Variants in DHX57 observed in about 807,000 individuals in gnomAD.
The protein encoded by DHX57 is DExH-box helicase 57.
DHX57 carries 105 observed loss-of-function variants against 156.2 expected under a neutral mutation model. The ratio of observed to expected loss-of-function variants is 0.67; its 90% CI spans 0.57 to 0.79. The LOEUF is 0.79. Ranked by LOEUF, DHX57 falls within the 30% of genes least tolerant of loss-of-function variation. DHX57 has a pLI of 0.00. For synonymous variants in DHX57, 704 were observed against 595.6 expected (o/e 1.18, Z -2.65); for missense variants, 1,847 against 1,661.9 (o/e 1.11, Z -1.94).
At chr2:38,809,580 G>C (rs1436351469) in intron 21 of DHX57, among the ~76,000 whole-genome samples, 1 of 150,408 alleles carries the variant, frequency 6.6e-6, no homozygotes, top group African/African-American at 2.4e-5. Context: ...TCCTGCCTCA[G>C]CCTCCCAAGT....
intron 21 of DHX57, among the ~76,000 whole-genome samples, chr2:38,808,603 G>T (rs1199278965): frequency 2.6e-5 from 4 of 151,978 alleles, no homozygotes; most frequent in African/African-American, 9.7e-5. Context: ...TCTCCTAGCT[G>T]TATCTTTGTG....
intron 21 of DHX57, among the ~76,000 whole-genome samples, chr2:38,808,082 G>T (rs543569893): frequency 2.0e-5 from 3 of 151,298 alleles, no homozygotes; most frequent in South Asian, 4.2e-4. Context: ...AGCCTCTTGA[G>T]TAGCTGGGAC....
intron 17 of DHX57, among the ~76,000 whole-genome samples, chr2:38,822,171 C>T (rs1311038217): frequency 6.6e-6 from 1 of 152,122 alleles, no homozygotes; most frequent in South Asian, 2.1e-4. Context: ...CAACCTCTGC[C>T]TCCCAGGTTC....
chr2:38,823,990 G>A (rs746087708), intron 16 of DHX57, among the ~76,000 whole-genome samples: 1 of 151,342 alleles, frequency 6.6e-6, no homozygotes, highest in African/African-American at 2.4e-5. Flanking sequence ...TAGCCTGGGT[G>A]ACTGAGCAAG....
intron 21 of DHX57, chr2:38,811,406 C>A (rs943706651): frequency 1.7e-5 from 10 of 573,468 alleles, no homozygotes; most frequent in Middle Eastern, 5.0e-4. Context: ...AAGAGAGGGG[C>A]CCAGGAGGTA....
intron 22 of DHX57, 90 bp downstream of exon 22, chr2:38,806,469 G>A: frequency 6.9e-7 from 1 of 1,442,224 alleles, no homozygotes; most frequent in South Asian, 1.3e-5. Flanking sequence ...GGGACAGCAA[G>A]TGATAGAACA....
At chr2:38,831,830 G>T (rs1671398079) in intron 13 of DHX57, among the ~76,000 whole-genome samples, 1 of 142,934 alleles carries the variant, frequency 7.0e-6, no homozygotes, top group African/African-American at 2.5e-5. Context: ...GCACTCCAGA[G>T]TGAGACTTCA....
At chr2:38,832,546 T>C (rs968060192) in intron 13 of DHX57, among the ~76,000 whole-genome samples, 1 of 80,498 alleles carries the variant, frequency 1.2e-5, no homozygotes, top group Non-Finnish European at 3.1e-5. Context: ...TATATATATA[T>C]ATATATTTTT....
chr2:38,821,078 C>T (rs756338), intron 17 of DHX57, among the ~76,000 whole-genome samples: 33,323 of 151,496 alleles, frequency 0.22, 3,801 homozygotes, highest in Admixed American at 0.27. Flanking sequence ...AAAAAAATTG[C>T]GAACTCACAA....
At chr2:38,871,710 C>CT (rs145199958) in intron 1 of DHX57, among the ~76,000 whole-genome samples, 33,049 of 136,636 alleles carry the variant, frequency 0.24, 4,750 homozygotes, top group Non-Finnish European at 0.32. Flanking sequence ...ATAACTCATT[C>CT]TTTTTTTTTT....
chr2:38,859,866 G>C (rs1260275103), intron 5 of DHX57, among the ~76,000 whole-genome samples: 1 of 149,078 alleles, frequency 6.7e-6, no homozygotes, highest in East Asian at 2.0e-4. Context: ...CTGTCTCCAA[G>C]GCCGAAATGC....
In DHX57 at chr2:38,818,686, C is replaced by T. The variant is rs370569743; in HGVS notation, c.3471+191G>A. On this transcript the variant is annotated intron_variant, in intron 19 of 23. Coordinates refer to ENST00000457308, the MANE Select transcript of DHX57 (RefSeq NM_198963.3). ...TTCACCACAAAGAGGAAAAGGAGGT[C>T]AGTGGAAAGGTTCAGCACAGAAAGC... 3.9e-5 allele frequency among the ~76,000 whole-genome samples: 6 copies of T among 152,296 alleles called. No individual in the cohort carries two copies. In the East Asian group the frequency reaches 1.2e-3, roughly 29 times the overall value.
chr2:38,819,217 C>T (rs1670695233), intron 17 of DHX57, 73 bp from the exon 18 acceptor site: 1 of 1,436,932 alleles, frequency 7.0e-7, no homozygotes. Context: ...TTCTGTTGCC[C>T]AGGCTGGAGT....
At chr2:38,830,298 T>C (rs1028246617) in intron 13 of DHX57, among the ~76,000 whole-genome samples, 1 of 152,182 alleles carries the variant, frequency 6.6e-6, no homozygotes, top group African/African-American at 2.4e-5. Context: ...TGTTCACATA[T>C]ATTATCCCAT....
chr2:38,837,851 C>T lies in DHX57; in HGVS notation c.2522G>A (p.Gly841Glu). ...IEALLEWIVD[G>E]KHSYPPGAIL... is the part of the protein sequence containing the mutation. ...GTTACCTGGAGGGTAGGAGTGCTTT[C>T]CATCCACAATCCACTCTAATAAGGC... Residue 841 changes from glycine to glutamate, a missense_variant, in exon 13 of 24, where the codon GGA becomes GAA. By Grantham distance (98) the Gly-to-Glu change is moderately conservative. Transcript: ENST00000457308. The T allele has an allele frequency of 6.2e-7, 1 of 1,606,514 alleles. No individual in the cohort carries two copies.
chr2:38,848,175 G>C, intron 10 of DHX57, 94 bp downstream of exon 10: 8 of 1,248,344 alleles, frequency 6.4e-6, no homozygotes, highest in Non-Finnish European at 7.6e-6. Flanking sequence ...CGCTTCTCTA[G>C]AAAGAGGTAT....
At chr2:38,827,763 G>A (rs891471905) in intron 14 of DHX57, among the ~76,000 whole-genome samples, 3 of 151,866 alleles carry the variant, frequency 2.0e-5, no homozygotes, top group African/African-American at 7.3e-5. Flanking sequence ...GGACTTCTTT[G>A]TTGTTACTAA....
chr2:38,833,386 G>A (rs867100503), intron 13 of DHX57, among the ~76,000 whole-genome samples: 21 of 151,900 alleles, frequency 1.4e-4, no homozygotes, highest in African/African-American at 2.4e-4. Flanking sequence ...CAGGTGATCC[G>A]CCTGCCTCGG....
In DHX57 at chr2:38,858,652, A is replaced by C. The variant is rs368518476; in HGVS notation, c.1587+9T>G. The C allele has an allele frequency of 1.9e-6, 3 of 1,609,986 alleles. No homozygotes were observed. Among genetic ancestry groups the C allele is most frequent in the East Asian group, 2.2e-5 (1 of 44,644 alleles). On this transcript the variant is annotated intron_variant, in intron 6 of 23. Transcript: ENST00000457308. ...AGGCAACGTTACTCATTCTCTCAGC[A>C]TACCCTACCTGTTTCATTCGGAACT...
Sources: gnomAD v4.1 joint callset for allele counts (sites outside exome capture counted in the v4.1 genomes callset) on GRCh38, gnomAD v4.1.1 for gene constraint, MANE v1.5 for transcripts, NCBI Gene and HGNC (gene_info 2026-07-23, HGNC 2026-07-21) for gene names.